Variants in LRRC37A2 observed in about 807,000 individuals in gnomAD.
LRRC37A2 encodes leucine-rich repeat-containing protein 37A2.
LRRC37A2 carries 9 observed loss-of-function variants against 68.8 expected under a neutral mutation model. The ratio of observed to expected loss-of-function variants is 0.13; its 90% CI spans 0.08 to 0.23. The LOEUF (loss-of-function observed/expected upper bound fraction) is 0.23. Ranked by LOEUF, LRRC37A2 falls within the 10% of genes least tolerant of loss-of-function variation. LRRC37A2 has a pLI of 1.00. For missense variants in LRRC37A2, 168 were observed against 950.4 expected, an observed-to-expected ratio of 0.18 and a Z score of 10.82; for synonymous variants, 63 against 367.6, an observed-to-expected ratio of 0.17 and a Z score of 9.48.
chr17:46,900,505 C>A, the LRRC37A2 span, among the ~76,000 whole-genome samples: 4 of 152,152 alleles, frequency 2.6e-5, no homozygotes, highest in Admixed American at 2.6e-4. Flanking sequence ...CCGCCTTGGC[C>A]TCCCAAAGTG....
At chr17:46,940,271 A>T in the LRRC37A2 span, 6 of 1,431,350 alleles carry the variant, frequency 4.2e-6, no homozygotes, top group East Asian at 2.5e-5. Context: ...GGAGATCTCC[A>T]TTGTTCCTAC....
chr17:46,731,596 A>G, the LRRC37A2 span, among the ~76,000 whole-genome samples: 1 of 152,170 alleles, frequency 6.6e-6, no homozygotes, highest in Admixed American at 6.5e-5. Flanking sequence ...CATCCAAGGT[A>G]CGTGGCCCAG....
At chr17:46,877,001 A>T in the LRRC37A2 span, 5 of 1,250,334 alleles carry the variant, frequency 4.0e-6, no homozygotes, top group Non-Finnish European at 5.0e-6. Flanking sequence ...GAGGGAAATA[A>T]GGGAGACCAA....
chr17:46,910,611 T>C, the LRRC37A2 span, among the ~76,000 whole-genome samples: 6 of 152,122 alleles, frequency 3.9e-5, no homozygotes, highest in Non-Finnish European at 8.8e-5. Context: ...TGGAGACTGA[T>C]TATGTGTGGA....
the LRRC37A2 span, chr17:46,773,795 GAT>G: frequency 6.2e-7 from 1 of 1,613,598 alleles, no homozygotes; most frequent in Non-Finnish European, 8.5e-7. Context: ...CGCTGGGCAT[GAT>G]CTCGATGTAA....
At chr17:46,771,513 C>G in the LRRC37A2 span, among the ~76,000 whole-genome samples, 2 of 148,934 alleles carry the variant, frequency 1.3e-5, no homozygotes, top group East Asian at 4.0e-4. Flanking sequence ...GGGGGCGGGG[C>G]GGGGATTAGC....
intron 2 of LRRC37A2, among the ~76,000 whole-genome samples, chr17:46,516,451 C>G (rs1336571537): frequency 2.8e-5 from 4 of 145,268 alleles, no homozygotes; most frequent in African/African-American, 7.9e-5. Flanking sequence ...CATGGGTAAG[C>G]TAAAACTTTA....
chr17:46,823,165 AT>A, the LRRC37A2 span, among the ~76,000 whole-genome samples: 2 of 131,276 alleles, frequency 1.5e-5, no homozygotes, highest in African/African-American at 3.0e-5. Context: ...TATATTATAT[AT>A]TATATATTTA....
chr17:46,635,365 A>AT, the LRRC37A2 span, among the ~76,000 whole-genome samples: 11 of 85,322 alleles, frequency 1.3e-4, no homozygotes, highest in Admixed American at 3.6e-4. Flanking sequence ...AGTTAGCAGT[A>AT]TTTTTTTTTT....
At chr17:46,976,787 C>A in the LRRC37A2 span, among the ~76,000 whole-genome samples, 1 of 152,204 alleles carries the variant, frequency 6.6e-6, no homozygotes, top group Non-Finnish European at 1.5e-5. Context: ...CCACTGAGGG[C>A]AGCCCAGACT....
At chr17:46,971,068 T>C in the LRRC37A2 span, among the ~76,000 whole-genome samples, 5 of 152,146 alleles carry the variant, frequency 3.3e-5, no homozygotes, top group African/African-American at 9.7e-5. Flanking sequence ...CTTTAAAACA[T>C]AGGCCGGTGC....
the LRRC37A2 span, among the ~76,000 whole-genome samples, chr17:46,980,558 C>T: frequency 1.3e-5 from 2 of 150,802 alleles, no homozygotes; most frequent in African/African-American, 4.9e-5. Context: ...CGCGGTGGCT[C>T]ACGCCTGTAA....
the LRRC37A2 span, among the ~76,000 whole-genome samples, chr17:46,778,426 G>A: frequency 4.6e-5 from 7 of 152,152 alleles, no homozygotes; most frequent in Non-Finnish European, 8.8e-5. Flanking sequence ...GGCCTCTGGC[G>A]ATGGGGCTTA....
the LRRC37A2 span, among the ~76,000 whole-genome samples, chr17:46,817,606 C>T: frequency 6.6e-6 from 1 of 152,060 alleles, no homozygotes; most frequent in African/African-American, 2.4e-5. Flanking sequence ...ATGTTTATTC[C>T]TCACCCAGGC....
intron 6 of LRRC37A2, among the ~76,000 whole-genome samples, chr17:46,529,273 G>A (rs2053291052): frequency 9.5e-6 from 1 of 105,692 alleles, no homozygotes. Flanking sequence ...TACAGCAAAA[G>A]GCTTGTATAA....
the LRRC37A2 span, chr17:46,851,570 C>T: frequency 2.3e-6 from 2 of 870,108 alleles, no homozygotes; most frequent in South Asian, 4.7e-5. This position sits in a 1 kb window ranked among gnomAD's most constrained non-coding sequence, Gnocchi z 4.3. Context: ...GTCCCGCGGG[C>T]GGGTGGTGGC....
chr17:47,019,804 A>T, the LRRC37A2 span: 4 of 1,266,734 alleles, frequency 3.2e-6, no homozygotes, highest in Non-Finnish European at 4.5e-6. Context: ...CCATCTTGTA[A>T]GAATCACCTT....
the LRRC37A2 span, among the ~76,000 whole-genome samples, chr17:46,861,559 A>G: frequency 6.6e-6 from 1 of 152,178 alleles, no homozygotes; most frequent in African/African-American, 2.4e-5. Context: ...CACAAAGCAG[A>G]GAGCAGAGAC....
the LRRC37A2 span, among the ~76,000 whole-genome samples, chr17:46,950,066 T>A: frequency 1.3e-5 from 2 of 152,236 alleles, no homozygotes; most frequent in Non-Finnish European, 2.9e-5. Context: ...CCGTGGGGCC[T>A]CCTGGAGGGA....
Sources: gnomAD v4.1 joint callset for allele counts (sites outside exome capture counted in the v4.1 genomes callset) on GRCh38, gnomAD v4.1.1 for gene constraint, Gnocchi (gnomAD v3.1) non-coding constraint, MANE v1.5 for transcripts, NCBI Gene and HGNC (gene_info 2026-07-23, HGNC 2026-07-21) for gene names.